Variants in KLHL2 observed in about 807,000 individuals in gnomAD.
The protein encoded by KLHL2 is kelch like family member 2.
A neutral mutation model predicts 75.8 loss-of-function variants in KLHL2; 15 were observed. The ratio of observed to expected loss-of-function variants is 0.20; its 90% CI spans 0.13 to 0.30. The LOEUF (loss-of-function observed/expected upper bound fraction) is 0.30. Among genes scored for constraint, KLHL2 ranks in the 10% least tolerant of loss-of-function variants. The probability of loss-of-function intolerance (pLI) is 1.00; values close to 1 mark genes in which losing one functional copy is unlikely to be tolerated. For missense variants in KLHL2, 381 were observed against 741.0 expected, an observed-to-expected ratio of 0.51 and a Z score of 5.64; for synonymous variants, 214 against 251.9, an observed-to-expected ratio of 0.85 and a Z score of 1.42.
chr4:165,264,717 T>TATAA (rs1742047422), intron 5 of KLHL2, among the ~76,000 whole-genome samples: 1 of 77,746 alleles, frequency 1.3e-5, no homozygotes, highest in Non-Finnish European at 2.4e-5. Context: ...TATATATATA[T>TATAA]ATACATATAT....
intron 4 of KLHL2, among the ~76,000 whole-genome samples, chr4:165,248,704 A>C (rs1170210090): frequency 4.6e-5 from 7 of 152,208 alleles, no homozygotes; most frequent in Non-Finnish European, 7.3e-5. Flanking sequence ...TTCAAGCTTA[A>C]AGTCTGTTTC....
chr4:165,252,379 T>C (rs1740808436), intron 4 of KLHL2, among the ~76,000 whole-genome samples: 1 of 152,016 alleles, frequency 6.6e-6, no homozygotes, highest in African/African-American at 2.4e-5. Flanking sequence ...TATGTGGTTC[T>C]GGCATGTTTG....
intron 14 of KLHL2, among the ~76,000 whole-genome samples, chr4:165,321,141 G>GA (rs1446632580): frequency 1.3e-5 from 2 of 151,872 alleles, no homozygotes; most frequent in Non-Finnish European, 2.9e-5. Flanking sequence ...TTAGAGAAAT[G>GA]AAAAAAACAA....
At chr4:165,310,174 A>C (rs1172453608) in intron 9 of KLHL2, among the ~76,000 whole-genome samples, 1 of 151,982 alleles carries the variant, frequency 6.6e-6, no homozygotes, top group East Asian at 1.9e-4. Flanking sequence ...AAATACAAAA[A>C]ATTAGTTGGG....
chr4:165,274,798 G>T (rs1194157229), intron 5 of KLHL2, among the ~76,000 whole-genome samples: 1 of 152,200 alleles, frequency 6.6e-6, no homozygotes, highest in Non-Finnish European at 1.5e-5. Context: ...TCTCTTCCAT[G>T]AACTCCTGCT....
intron 4 of KLHL2, among the ~76,000 whole-genome samples, chr4:165,247,326 CAG>C (rs766053736): frequency 6.6e-6 from 1 of 152,046 alleles, no homozygotes; most frequent in Non-Finnish European, 1.5e-5. Context: ...TAAGTGGACT[CAG>C]AGAGTACCGA....
intron 4 of KLHL2, 126 bp downstream of exon 4, chr4:165,239,025 A>G: frequency 1.4e-6 from 2 of 1,449,590 alleles, no homozygotes; most frequent in Non-Finnish European, 1.8e-6. Context: ...TTGTATTTCT[A>G]AAAAATATTT....
At chr4:165,244,124 A>G (rs1740038067) in intron 4 of KLHL2, among the ~76,000 whole-genome samples, 1 of 152,168 alleles carries the variant, frequency 6.6e-6, no homozygotes, top group South Asian at 2.1e-4. Context: ...TATGAATTAT[A>G]CAGTTTCTCT....
At chr4:165,225,631 C>G (rs751449786) in intron 2 of KLHL2, among the ~76,000 whole-genome samples, 2 of 152,146 alleles carry the variant, frequency 1.3e-5, no homozygotes, top group Non-Finnish European at 2.9e-5. Flanking sequence ...AGCTGTCTCA[C>G]TCAAAACATT....
intron 14 of KLHL2, among the ~76,000 whole-genome samples, chr4:165,318,697 A>C (rs1048232526): frequency 6.6e-6 from 1 of 152,078 alleles, no homozygotes; most frequent in Admixed American, 6.5e-5. Context: ...GTATAAACTG[A>C]CAGAATACAT....
At chr4:165,281,294 GCTCT>G (rs547414565) in intron 5 of KLHL2, among the ~76,000 whole-genome samples, 3 of 145,712 alleles carry the variant, frequency 2.1e-5, no homozygotes, top group South Asian at 2.2e-4. Context: ...CTAACCTGAT[GCTCT>G]CTCTCTCTCT....
intron 5 of KLHL2, among the ~76,000 whole-genome samples, chr4:165,285,240 A>G (rs1379801472): frequency 6.6e-6 from 1 of 152,202 alleles, no homozygotes; most frequent in Non-Finnish European, 1.5e-5. Context: ...CTCTTATACC[A>G]TTAAATCTTA....
intron 3 of KLHL2, among the ~76,000 whole-genome samples, chr4:165,232,105 TG>T (rs1420856278): frequency 6.6e-6 from 1 of 152,192 alleles, no homozygotes; most frequent in Non-Finnish European, 1.5e-5. Context: ...ATCTTTGTAC[TG>T]TTTTTTTTCT....
At chr4:165,321,448 A>G (rs1367681266) in intron 14 of KLHL2, 2 of 381,008 alleles carry the variant, frequency 5.2e-6, no homozygotes, top group Non-Finnish European at 1.0e-5. Flanking sequence ...TAAGAATACA[A>G]TATATAACAC....
chr4:165,295,891 A>G (rs529029231), intron 6 of KLHL2, among the ~76,000 whole-genome samples: 6 of 152,346 alleles, frequency 3.9e-5, no homozygotes, highest in African/African-American at 1.2e-4. Flanking sequence ...AATTAACTGT[A>G]TTGTAGTGAT....
intron 4 of KLHL2, among the ~76,000 whole-genome samples, chr4:165,261,196 T>TA (rs754061008): frequency 1.3e-5 from 2 of 152,226 alleles, no homozygotes; most frequent in Non-Finnish European, 2.9e-5. Flanking sequence ...AGAGCGCAAT[T>TA]ACACTGGCAT....
chr4:165,233,176 A>G (rs1029208936), intron 3 of KLHL2, among the ~76,000 whole-genome samples: 7 of 152,210 alleles, frequency 4.6e-5, no homozygotes, highest in African/African-American at 1.7e-4. Flanking sequence ...GTATTTGAGT[A>G]GAGAAGGGAA....
At chr4:165,250,381 A>G (rs1292403741) in intron 4 of KLHL2, among the ~76,000 whole-genome samples, 1 of 152,228 alleles carries the variant, frequency 6.6e-6, no homozygotes, top group East Asian at 1.9e-4. Flanking sequence ...CAACTCCTCA[A>G]GGTAAAATCA....
chr4:165,307,041 G>C (rs1745784732), intron 9 of KLHL2, among the ~76,000 whole-genome samples: 1 of 152,192 alleles, frequency 6.6e-6, no homozygotes, highest in Admixed American at 6.5e-5. Context: ...CAGGCGCAGT[G>C]GGTCATGCCT....
Sources: allele counts gnomAD v4.1 joint callset (sites outside exome capture counted in the v4.1 genomes callset), GRCh38; gene constraint gnomAD v4.1.1; transcripts MANE v1.5; gene names NCBI Gene and HGNC (gene_info 2026-07-23, HGNC 2026-07-21).